The following TMEM117 variants were observed in gnomAD, a reference collection of about 807,000 sequenced individuals.
The protein encoded by TMEM117 is transmembrane protein 117.
Under a neutral mutation model 52.4 loss-of-function variants are expected in TMEM117, and 27 were observed. The ratio of observed to expected loss-of-function variants is 0.51; its 90% CI spans 0.38 to 0.71. The LOEUF is 0.71. TMEM117 is among the 30% of genes least tolerant of loss of function. TMEM117 has a pLI of 0.00. For missense variants in TMEM117, 556 were observed against 630.5 expected, an observed-to-expected ratio of 0.88 and a Z score of 1.26; for synonymous variants, 215 against 206.3, an observed-to-expected ratio of 1.04 and a Z score of -0.36.
intron 3 of TMEM117, among the ~76,000 whole-genome samples, chr12:44,030,284 T>C (rs1011611216): frequency 1.3e-5 from 2 of 152,238 alleles, no homozygotes; most frequent in Non-Finnish European, 2.9e-5. Context: ...TCTTTGACTT[T>C]TGAAAATTGT....
At chr12:44,124,016 G>A (rs1315064880) in intron 3 of TMEM117, among the ~76,000 whole-genome samples, 1 of 151,084 alleles carries the variant, frequency 6.6e-6, no homozygotes, top group Admixed American at 6.6e-5. Flanking sequence ...TAACAATATA[G>A]ATTCTTTCTA....
At position 44,193,591 on chromosome 12, in the gene TMEM117, T is replaced by A. The variant is rs1234621736; in HGVS notation, c.511-17699T>A. ...CCAGGAACCTTGAATAGCTACACTCTCACTGAAAAAGCAAAAAACTACCTT... is the reference window on the plus strand; with the variant it reads ...CCAGGAACCTTGAATAGCTACACTCACACTGAAAAAGCAAAAAACTACCTT... On this transcript the variant is annotated intron_variant, in intron 4 of 7. Coordinates refer to ENST00000266534, the MANE Select transcript of TMEM117 (RefSeq NM_032256.3). Among the ~76,000 whole-genome samples, 3 of 149,886 alleles carry A rather than the reference T, an allele frequency of 2.0e-5. No individual in the cohort carries two copies. The South Asian group carries it at 6.2e-4, about 31-fold the overall frequency.
chr12:44,216,005 C>CTTTTTTTTTTTTTTTTTTTTTTTTT (rs778425747), intron 5 of TMEM117, among the ~76,000 whole-genome samples: 1 of 110,838 alleles, frequency 9.0e-6, no homozygotes, highest in African/African-American at 3.9e-5. Context: ...TTCTTTCTTT[C>CTTTTTTTTTTTTTTTTTTTTTTTTT]TTTTTTTTTT....
At chr12:43,799,418 G>A in the TMEM117 span, 10 of 1,607,918 alleles carry the variant, frequency 6.2e-6, no homozygotes, top group African/African-American at 5.4e-5. Context: ...TTAATCTGTC[G>A]TAGTTCTTCC....
chr12:43,843,883 A>G (rs763271208), intron 1 of TMEM117, among the ~76,000 whole-genome samples: 1 of 152,238 alleles, frequency 6.6e-6, no homozygotes, highest in Non-Finnish European at 1.5e-5. Context: ...TCACCTGTAT[A>G]CATTTGTCAA....
At chr12:44,203,176 G>A (rs931309355) in intron 4 of TMEM117, among the ~76,000 whole-genome samples, 8 of 151,824 alleles carry the variant, frequency 5.3e-5, no homozygotes, top group East Asian at 1.9e-4. Flanking sequence ...GTTTCTTCCC[G>A]GTTCAATCTT....
chr12:43,934,023 T>A (rs1175067692), intron 2 of TMEM117, among the ~76,000 whole-genome samples: 4 of 151,420 alleles, frequency 2.6e-5, no homozygotes, highest in Admixed American at 2.6e-4. Context: ...TCATATTAAG[T>A]TAAGTGATAT....
At chr12:44,090,849 G>GTTTTTTTTTTTTTTTTTTTT (rs541939145) in intron 3 of TMEM117, among the ~76,000 whole-genome samples, 6 of 101,636 alleles carry the variant, frequency 5.9e-5, no homozygotes, top group African/African-American at 1.5e-4. Flanking sequence ...GTTTTTTTTT[G>GTTTTTTTTTTTTTTTTTTTT]TTTTTTTTTT....
Position 44,299,661 on chromosome 12 carries a change from A to C in TMEM117, c.690A>C (p.Gly230=). ...TCAGCTGGGACAAGCTGAATCGGGG[A>C]TTTTTGCCCAGTGATGAAGTTTCCA... The part of the protein sequence containing the change: ...DWISWDKLNR[G]FLPSDEVSRA... Residue 230 remains glycine, a synonymous_variant, in exon 6 of 8, where the codon GGA becomes GGC. Coordinates refer to ENST00000266534, the MANE Select transcript of TMEM117 (RefSeq NM_032256.3). 6.2e-7 allele frequency: 1 copy of C among 1,614,076 alleles called. No homozygotes were observed. Among genetic ancestry groups the C allele is most frequent in the Non-Finnish European group, 8.5e-7 (1 of 1,179,998 alleles).
At chr12:44,391,097 G>A (rs1952159453), downstream of TMEM117, among the ~76,000 whole-genome samples, 1 of 152,100 alleles carries the variant, frequency 6.6e-6, no homozygotes, top group Non-Finnish European at 1.5e-5. Flanking sequence ...TGATGCTTAA[G>A]TACTATAAAC....
At chr12:44,362,521 T>G (rs1464079098) in intron 6 of TMEM117, among the ~76,000 whole-genome samples, 1 of 151,970 alleles carries the variant, frequency 6.6e-6, no homozygotes, top group African/African-American at 2.4e-5. Context: ...AAACAGTTCT[T>G]GAATGTGCAA....
intron 2 of TMEM117, among the ~76,000 whole-genome samples, chr12:43,933,480 C>T (rs1333603381): frequency 1.3e-5 from 2 of 152,048 alleles, no homozygotes; most frequent in Admixed American, 6.6e-5. Context: ...GGATTACAGG[C>T]GTGAGCCACT....
chr12:44,191,563 T>A (rs1047028704), intron 4 of TMEM117, among the ~76,000 whole-genome samples: 1 of 152,210 alleles, frequency 6.6e-6, no homozygotes, highest in African/African-American at 2.4e-5. Flanking sequence ...TTTTGTTCTG[T>A]CCTACTCAGA....
chr12:44,272,119 T>C (rs943835072), intron 5 of TMEM117, among the ~76,000 whole-genome samples: 2 of 152,132 alleles, frequency 1.3e-5, no homozygotes, highest in African/African-American at 4.8e-5. Context: ...TGGAACCTTA[T>C]TCACTGTTGG....
intron 5 of TMEM117, among the ~76,000 whole-genome samples, chr12:44,216,536 A>G (rs1401434666): frequency 1.3e-5 from 2 of 152,228 alleles, no homozygotes; most frequent in Non-Finnish European, 2.9e-5. Flanking sequence ...GGGCGCTGCC[A>G]TAACGGAAAG....
At chr12:44,150,928 C>T (rs1197466759) in intron 4 of TMEM117, among the ~76,000 whole-genome samples, 2 of 152,106 alleles carry the variant, frequency 1.3e-5, no homozygotes, top group Non-Finnish European at 2.9e-5. Flanking sequence ...TTCTGGCTTT[C>T]ACTGTAAGTC....
At chr12:44,360,840 T>C (rs1383416039) in intron 6 of TMEM117, among the ~76,000 whole-genome samples, 2 of 152,122 alleles carry the variant, frequency 1.3e-5, no homozygotes, top group Non-Finnish European at 2.9e-5. Flanking sequence ...CACATACCCC[T>C]TTTTATCTAT....
At chr12:43,849,614 A>G (rs1365160140) in intron 2 of TMEM117, among the ~76,000 whole-genome samples, 1 of 151,776 alleles carries the variant, frequency 6.6e-6, no homozygotes, top group East Asian at 1.9e-4. Context: ...AAATAATGCA[A>G]GTGAATTCTC....
the TMEM117 span, among the ~76,000 whole-genome samples, chr12:43,799,751 T>G: frequency 6.6e-6 from 1 of 152,110 alleles, no homozygotes; most frequent in African/African-American, 2.4e-5. Context: ...AGTTTCATAC[T>G]GGCAAAGTGA....
Sources: allele counts gnomAD v4.1 joint callset (sites outside exome capture counted in the v4.1 genomes callset), GRCh38; gene constraint gnomAD v4.1.1; transcripts MANE v1.5; gene names NCBI Gene and HGNC (gene_info 2026-07-23, HGNC 2026-07-21).